Variants in UGCG observed in about 807,000 individuals in gnomAD.
The protein encoded by UGCG is ceramide glucosyltransferase.
UGCG carries 10 observed loss-of-function variants against 49.5 expected under a neutral mutation model. The observed-to-expected ratio is 0.20, with a 90% confidence interval of 0.12 to 0.34. UGCG has a LOEUF of 0.34. Among genes scored for constraint, UGCG ranks in the 10% least tolerant of loss-of-function variants. The probability of loss-of-function intolerance (pLI) is 1.00; values close to 1 mark genes in which losing one functional copy is unlikely to be tolerated. For synonymous variants in UGCG, 182 were observed against 158.2 expected, an observed-to-expected ratio of 1.15 and a Z score of -1.13; for missense variants, 312 against 483.7, an observed-to-expected ratio of 0.65 and a Z score of 3.33.
intron 6 of UGCG, among the ~76,000 whole-genome samples, 159 bp from the exon 7 acceptor site, chr9:111,931,112 A>G (rs1838417159): frequency 6.6e-6 from 1 of 152,168 alleles, no homozygotes; most frequent in South Asian, 2.1e-4. Context: ...AAACATCCAT[A>G]CGTATGGTAG....
intron 2 of UGCG, among the ~76,000 whole-genome samples, chr9:111,917,871 G>A (rs893356780): frequency 6.6e-6 from 1 of 152,226 alleles, no homozygotes; most frequent in Non-Finnish European, 1.5e-5. Flanking sequence ...GGGATTTGGG[G>A]AGAGATTAAG....
intron 2 of UGCG, chr9:111,915,729 G>T: frequency 1.0e-6 from 1 of 952,678 alleles, no homozygotes; most frequent in Non-Finnish European, 1.2e-6. Flanking sequence ...ATGGTGACTG[G>T]TTTTCATGCT....
At chr9:111,906,256 G>T (rs1230412635) in intron 1 of UGCG, among the ~76,000 whole-genome samples, 25 of 152,242 alleles carry the variant, frequency 1.6e-4, no homozygotes, top group Non-Finnish European at 4.4e-5. Flanking sequence ...ATTGTGCCCA[G>T]ATTTTATGAA....
At chr9:111,897,895 C>G (rs938921964) in intron 1 of UGCG, among the ~76,000 whole-genome samples, 1 of 151,118 alleles carries the variant, frequency 6.6e-6, no homozygotes, top group Non-Finnish European at 1.5e-5. Context: ...GGTTTTCTTT[C>G]CTTTTTTCAG....
At chr9:111,923,039 G>C in intron 3 of UGCG, 88 bp downstream of exon 3, 2 of 821,016 alleles carry the variant, frequency 2.4e-6, no homozygotes, top group Non-Finnish European at 3.7e-6. Context: ...TAAGGTGTTA[G>C]CCATGTTTGT....
intron 3 of UGCG, among the ~76,000 whole-genome samples, chr9:111,923,983 G>T (rs977026271): frequency 1.3e-5 from 2 of 151,956 alleles, no homozygotes; most frequent in Non-Finnish European, 2.9e-5. Context: ...ATAGAGATGG[G>T]GTTTCGCCAT....
At chr9:111,925,438 A>G (rs1003662998) in intron 4 of UGCG, among the ~76,000 whole-genome samples, 16 of 152,232 alleles carry the variant, frequency 1.1e-4, no homozygotes, top group Admixed American at 7.9e-4. Context: ...CTCAACCCCA[A>G]TACTGTTCAC....
chr9:111,899,756 C>T (rs1176463066), intron 1 of UGCG, among the ~76,000 whole-genome samples: 2 of 152,064 alleles, frequency 1.3e-5, no homozygotes, highest in Admixed American at 1.3e-4. Flanking sequence ...ACATATTACC[C>T]TGAATTCACC....
chr9:111,929,745 C>T, intron 6 of UGCG, 67 bp downstream of exon 6: 1 of 1,565,420 alleles, frequency 6.4e-7, no homozygotes, highest in Non-Finnish European at 8.7e-7. Context: ...TCTTTTTGTT[C>T]AACCTATAGA....
rs921895664 is a variant in UGCG at position 111,934,059 on chromosome 9, A to G, written c.*1062A>G. 3 of 152,218 alleles carry G rather than the reference A, an allele frequency of 2.0e-5. No homozygotes were observed. Among genetic ancestry groups the G allele is most frequent in the East Asian group, 3.9e-4 (2 of 5,182 alleles). 9.4% of individuals were successfully genotyped at this position (152,218 alleles called of 1,614,324 possible). A position where few individuals can be genotyped will look rare whatever the true frequency, so the allele number is the denominator to read the frequency against. ...TCTAGCCATCAATAAATTGCAGTAGAGTATTAAGAGGGGACAGGATGAGTT... is the reference window on the plus strand; with the variant it reads ...TCTAGCCATCAATAAATTGCAGTAGGGTATTAAGAGGGGACAGGATGAGTT... On this transcript the variant is annotated 3_prime_UTR_variant, in exon 9 of 9. Coordinates refer to ENST00000374279, the MANE Select transcript of UGCG (RefSeq NM_003358.3).
At chr9:111,925,948 C>T (rs1455075017) in intron 4 of UGCG, among the ~76,000 whole-genome samples, 1 of 152,144 alleles carries the variant, frequency 6.6e-6, no homozygotes, top group Admixed American at 6.5e-5. Flanking sequence ...ACGTTCCATT[C>T]CTGTGTGGAA....
At chr9:111,929,969 C>T (rs1456978049) in intron 6 of UGCG, among the ~76,000 whole-genome samples, 1 of 152,026 alleles carries the variant, frequency 6.6e-6, no homozygotes. Flanking sequence ...CAGGCATGTA[C>T]CACCATGCAC....
chr9:111,917,449 C>T (rs78807957), intron 2 of UGCG, among the ~76,000 whole-genome samples: 2,807 of 152,302 alleles, frequency 0.018, 38 homozygotes, highest in Non-Finnish European at 0.029. Context: ...TAAACATTTA[C>T]GTGACTGCCA....
chr9:111,903,277 GAGAC>G (rs765657352), intron 1 of UGCG, among the ~76,000 whole-genome samples: 19 of 152,106 alleles, frequency 1.2e-4, no homozygotes, highest in East Asian at 1.9e-4. Flanking sequence ...ATTTAAAAAT[GAGAC>G]AGACAGGGCG....
chr9:111,916,375 AT>A (rs1345238043), intron 2 of UGCG, among the ~76,000 whole-genome samples: 3 of 152,138 alleles, frequency 2.0e-5, no homozygotes. Context: ...TGGTCATGGA[AT>A]TTTTACGTTG....
intron 1 of UGCG, among the ~76,000 whole-genome samples, chr9:111,912,585 T>TAA (rs753260287): frequency 2.2e-5 from 3 of 138,772 alleles, no homozygotes; most frequent in Admixed American, 7.2e-5. Context: ...CTTAAAAAAA[T>TAA]AAAAAAAAAA....
intron 3 of UGCG, among the ~76,000 whole-genome samples, chr9:111,924,372 A>C (rs1838280350): frequency 6.6e-6 from 1 of 152,206 alleles, no homozygotes; most frequent in Non-Finnish European, 1.5e-5. Context: ...GTTTTCAAGT[A>C]AACAACATGT....
chr9:111,907,429 G>A (rs985286433), intron 1 of UGCG, among the ~76,000 whole-genome samples: 2 of 152,104 alleles, frequency 1.3e-5, no homozygotes, highest in Non-Finnish European at 2.9e-5. Context: ...CAAAGCAGTG[G>A]GTTGGTCTGG....
intron 2 of UGCG, among the ~76,000 whole-genome samples, chr9:111,916,100 CTT>C (rs1375137205): frequency 1.3e-5 from 2 of 151,826 alleles, no homozygotes; most frequent in East Asian, 1.9e-4. Flanking sequence ...AATGGTAAAA[CTT>C]AGCCTTTTGT....
Sources: allele counts gnomAD v4.1 joint callset (sites outside exome capture counted in the v4.1 genomes callset), GRCh38; gene constraint gnomAD v4.1.1; transcripts MANE v1.5; gene names NCBI Gene and HGNC (gene_info 2026-07-23, HGNC 2026-07-21).